The following LEPR variants were observed in gnomAD, a reference collection of about 807,000 sequenced individuals.
LEPR encodes the protein leptin receptor.
LEPR carries 56 observed loss-of-function variants against 114.7 expected under a neutral mutation model. That is an observed-to-expected ratio of 0.49 (90% CI 0.39 to 0.61). LEPR has a LOEUF of 0.61. LEPR is among the 20% of genes least tolerant of loss of function. The pLI, the probability that LEPR is intolerant of heterozygous loss-of-function variation, is 0.00. For synonymous variants in LEPR, 443 were observed against 461.4 expected (o/e 0.96, Z 0.51); for missense variants, 1,202 against 1,352.9 (o/e 0.89, Z 1.75).
chr1:65,477,215 C>T (rs1016969405), intron 2 of LEPR, among the ~76,000 whole-genome samples: 2 of 152,030 alleles, frequency 1.3e-5, no homozygotes, highest in Non-Finnish European at 2.9e-5. Flanking sequence ...AATTTCTTAC[C>T]TTCTATTTAT....
chr1:65,629,720 C>G, intron 19 of LEPR, among the ~76,000 whole-genome samples: 1 of 150,988 alleles, frequency 6.6e-6, no homozygotes, highest in East Asian at 1.9e-4. Context: ...CCTTCCCCTT[C>G]TCTTCCCTCC....
At chr1:65,488,215 TC>T (rs376688496) in intron 2 of LEPR, among the ~76,000 whole-genome samples, 3,336 of 52,246 alleles carry the variant, frequency 0.064, 185 homozygotes, top group Admixed American at 0.076. Flanking sequence ...TTTCTTTCTC[TC>T]TCTCTCTCTC....
intron 5 of LEPR, among the ~76,000 whole-genome samples, chr1:65,587,733 G>C (rs1362789514): frequency 6.6e-6 from 1 of 151,790 alleles, no homozygotes; most frequent in African/African-American, 2.4e-5. Flanking sequence ...GTTGTTTCAG[G>C]GTTGATTTTT....
chr1:65,525,888 G>A, intron 2 of LEPR: 3 of 966,006 alleles, frequency 3.1e-6, no homozygotes, highest in Non-Finnish European at 3.7e-6. Context: ...TCGAGAATGG[G>A]GCTTTGGGAC....
chr1:65,597,277 A>G (rs1451563131), intron 7 of LEPR, among the ~76,000 whole-genome samples: 1 of 152,088 alleles, frequency 6.6e-6, no homozygotes, highest in Non-Finnish European at 1.5e-5. Flanking sequence ...ACCCCATTGC[A>G]GTGCTCCATA....
At chr1:65,635,281 A>G in intron 19 of LEPR, 1 of 981,660 alleles carries the variant, frequency 1.0e-6, no homozygotes, top group Non-Finnish European at 1.2e-6. Flanking sequence ...AAGGTGATGT[A>G]TCAACAGCTT....
chr1:65,444,412 A>G (rs949316893), intron 2 of LEPR, among the ~76,000 whole-genome samples: 4 of 151,898 alleles, frequency 2.6e-5, no homozygotes, highest in Admixed American at 6.6e-5. Flanking sequence ...TTAAAATGCT[A>G]TTGAAGCTTC....
intron 2 of LEPR, among the ~76,000 whole-genome samples, chr1:65,551,073 A>T (rs1479153193): frequency 2.0e-5 from 3 of 152,130 alleles, no homozygotes; most frequent in Non-Finnish European, 4.4e-5. Flanking sequence ...AGCCGACTTC[A>T]TCGTGGTGGA....
intron 11 of LEPR, among the ~76,000 whole-genome samples, chr1:65,608,523 T>C (rs1656969001): frequency 6.6e-6 from 1 of 152,174 alleles, no homozygotes; most frequent in Non-Finnish European, 1.5e-5. Flanking sequence ...CAGAGTAACA[T>C]GAATAATGTA....
intron 2 of LEPR, among the ~76,000 whole-genome samples, chr1:65,451,709 A>C (rs914606603): frequency 5.3e-5 from 8 of 151,188 alleles, no homozygotes; most frequent in Admixed American, 1.3e-4. Context: ...AGTCAGGTAG[A>C]GTGATGCCTC....
chr1:65,528,591 C>A (rs1023046722), intron 2 of LEPR, among the ~76,000 whole-genome samples: 42 of 151,702 alleles, frequency 2.8e-4, no homozygotes, highest in Non-Finnish European at 8.8e-5. Flanking sequence ...TAAATAAAAT[C>A]TTTAAAACAT....
intron 2 of LEPR, among the ~76,000 whole-genome samples, chr1:65,477,562 A>C (rs1398710844): frequency 1.3e-5 from 2 of 152,194 alleles, no homozygotes; most frequent in East Asian, 1.9e-4. Flanking sequence ...CTTGAATGCC[A>C]CCTGGGATCT....
rs542213698 is a variant in LEPR at position 65,520,901 on chromosome 1, C to T, written c.-20-44645C>T. 3.1e-4 allele frequency among the ~76,000 whole-genome samples: 47 copies of T among 152,320 alleles called. 1 individual carries two copies. Among genetic ancestry groups the T allele is most frequent in the Middle Eastern group, 3.4e-3 (1 of 294 alleles). ...CATGCTATTGCTTGTGGTTTAAGAA[C>T]GCCTTTAAGTGGTTTTTGGCCCTGG... On this transcript the variant is annotated intron_variant, in intron 2 of 19. Coordinates refer to ENST00000349533, the MANE Select transcript of LEPR (RefSeq NM_002303.6).
Position 65,595,415 on chromosome 1 carries a change from G to T in LEPR, c.704-1033G>T, listed in dbSNP as rs564528326. 3.9e-5 allele frequency among the ~76,000 whole-genome samples: 6 copies of T among 152,170 alleles called. No homozygotes were observed. The South Asian group carries it at 1.0e-3, about 26-fold the overall frequency. ...GCAGATAGGAAATGTACAATAGCTT[G>T]TAATATTGTAATTTTACTTTTCTTT... On this transcript the variant is annotated intron_variant, in intron 6 of 19. Coordinates refer to ENST00000349533, the MANE Select transcript of LEPR (RefSeq NM_002303.6).
At chr1:65,545,027 A>T (rs1187982208) in intron 2 of LEPR, among the ~76,000 whole-genome samples, 31 of 149,500 alleles carry the variant, frequency 2.1e-4, no homozygotes, top group African/African-American at 7.5e-4. Flanking sequence ...TCATTGTTCA[A>T]TTCCCACCTA....
At chr1:65,629,505 A>C (rs1259570404) in intron 19 of LEPR, among the ~76,000 whole-genome samples, 2 of 152,098 alleles carry the variant, frequency 1.3e-5, no homozygotes, top group African/African-American at 2.4e-5. Flanking sequence ...TCAAAGGGGA[A>C]TTTTTTAAAA....
chr1:65,439,497 A>G (rs1646618672), intron 2 of LEPR, among the ~76,000 whole-genome samples: 1 of 152,208 alleles, frequency 6.6e-6, no homozygotes, highest in South Asian at 2.1e-4. Context: ...CAAGACAAAT[A>G]ATTTTTAAAG....
intron 5 of LEPR, chr1:65,578,309 A>G: frequency 4.3e-6 from 1 of 233,086 alleles, no homozygotes; most frequent in Non-Finnish European, 8.9e-6. Context: ...AATGAACAAA[A>G]ACCAAAACTG....
chr1:65,507,535 G>A (rs1175628750), intron 2 of LEPR, among the ~76,000 whole-genome samples: 2 of 81,342 alleles, frequency 2.5e-5, no homozygotes, highest in Non-Finnish European at 5.6e-5. Context: ...ATATATATGT[G>A]TGTATATATA....
Sources: allele counts gnomAD v4.1 joint callset (sites outside exome capture counted in the v4.1 genomes callset), GRCh38; gene constraint gnomAD v4.1.1; transcripts MANE v1.5; gene names NCBI Gene and HGNC (gene_info 2026-07-23, HGNC 2026-07-21).